The following RPTOR variants were observed in gnomAD, a reference collection of about 807,000 sequenced individuals.
RPTOR encodes the protein regulatory-associated protein of mTOR.
RPTOR carries 21 observed loss-of-function variants against 169.9 expected under a neutral mutation model. That is an observed-to-expected ratio of 0.12 (90% CI 0.09 to 0.18). The LOEUF (loss-of-function observed/expected upper bound fraction) is 0.18, where lower values mean the gene tolerates loss of function less well. Among genes scored for constraint, RPTOR ranks in the 10% least tolerant of loss-of-function variants. The pLI is 1.00. For missense variants in RPTOR, 1,133 were observed against 1,855.9 expected (o/e 0.61, Z 7.16); for synonymous variants, 732 against 753.2 (o/e 0.97, Z 0.46).
chr17:80,958,207 C>CT (rs2069281222), intron 29 of RPTOR, among the ~76,000 whole-genome samples: 2 of 86,498 alleles, frequency 2.3e-5, no homozygotes, highest in African/African-American at 9.7e-5. Context: ...ACCCCCCCCC[C>CT]CCACCACCAA....
chr17:80,688,453 C>T (rs111914716), intron 3 of RPTOR, among the ~76,000 whole-genome samples: 105 of 152,308 alleles, frequency 6.9e-4, no homozygotes, highest in African/African-American at 2.0e-3. Context: ...GTAAATGGTT[C>T]AGTATTGTCA....
At chr17:80,809,084 C>T (rs1271734637) in intron 7 of RPTOR, among the ~76,000 whole-genome samples, 1 of 152,260 alleles carries the variant, frequency 6.6e-6, no homozygotes, top group African/African-American at 2.4e-5. Context: ...AAGAAATTGT[C>T]CAACTGTTTT....
At position 80,754,582 on chromosome 17, in the gene RPTOR, A is replaced by T. The variant is rs963759224; in HGVS notation, c.830+397A>T. The stretch of plus-strand genomic sequence containing the variant: ...GCTTGAGTTGAAGCGTAATCTTTCA[A>T]TGTATTTTTAGCAATGAAAAAAGAG... On this transcript the variant is annotated intron_variant, in intron 6 of 33. Transcript: ENST00000306801. The surrounding 1 kb of genome is among the most constrained non-coding windows in gnomAD (Gnocchi z 4.2). Among the ~76,000 whole-genome samples the T allele has an allele frequency of 6.6e-6, 1 of 152,164 alleles. No individual in the cohort carries two copies. The highest frequency in any genetic ancestry group is 6.5e-5 in the Admixed American group (1 of 15,276).
intron 20 of RPTOR, among the ~76,000 whole-genome samples, chr17:80,900,826 G>A (rs528307415): frequency 4.2e-4 from 64 of 152,368 alleles, no homozygotes; most frequent in Admixed American, 7.2e-4. Flanking sequence ...GTGCAGAACC[G>A]CACCTTTTGT....
intron 6 of RPTOR, among the ~76,000 whole-genome samples, chr17:80,782,571 G>T (rs538085559): frequency 5.3e-5 from 8 of 152,218 alleles, no homozygotes; most frequent in African/African-American, 1.9e-4. Flanking sequence ...CTTGATCCTG[G>T]AACACCTTGG....
chr17:80,901,293 C>T (rs917153357), intron 20 of RPTOR, among the ~76,000 whole-genome samples: 4 of 152,140 alleles, frequency 2.6e-5, no homozygotes, highest in African/African-American at 7.2e-5. Context: ...CATGAGTTTT[C>T]TCCTCTGCCG....
At chr17:80,638,413 T>TTC (rs1176397801) in intron 2 of RPTOR, among the ~76,000 whole-genome samples, 1 of 132,136 alleles carries the variant, frequency 7.6e-6, no homozygotes, top group African/African-American at 2.6e-5. Flanking sequence ...CTTCCTTTCT[T>TTC]TTTTTTTTTT....
At chr17:80,749,627 G>A (rs1291543385) in intron 5 of RPTOR, among the ~76,000 whole-genome samples, 2 of 152,028 alleles carry the variant, frequency 1.3e-5, no homozygotes, top group African/African-American at 2.4e-5. Flanking sequence ...TGGCGGGAGA[G>A]CCTGCTGCTC....
intron 1 of RPTOR, among the ~76,000 whole-genome samples, chr17:80,599,662 C>T (rs867246468): frequency 2.6e-5 from 4 of 152,210 alleles, no homozygotes; most frequent in Non-Finnish European, 5.9e-5. Flanking sequence ...TGAGAAGGCA[C>T]TGCAGACGGT....
intron 24 of RPTOR, among the ~76,000 whole-genome samples, chr17:80,932,570 G>C (rs2068910844): frequency 6.6e-6 from 1 of 152,126 alleles, no homozygotes; most frequent in African/African-American, 2.4e-5. Flanking sequence ...CACTAAGAAA[G>C]AGTCAAGTGA....
intron 10 of RPTOR, among the ~76,000 whole-genome samples, chr17:80,840,466 C>T (rs1359485730): frequency 6.8e-6 from 1 of 146,068 alleles, no homozygotes; most frequent in Admixed American, 6.9e-5. Context: ...TGCACCGCAG[C>T]TCACGCTCAC....
intron 6 of RPTOR, among the ~76,000 whole-genome samples, chr17:80,757,139 C>T (rs148041276): frequency 1.2e-3 from 188 of 152,158 alleles, no homozygotes; most frequent in African/African-American, 4.3e-3. Context: ...GAAATAGAGG[C>T]CCCAGTATGC....
chr17:80,707,712 A>G lies in RPTOR; in HGVS notation c.349-129A>G. ...TGGCATTACCTGGTTTTATAGATGG[A>G]GAAACTCAGAGCCATGTGTCCAGGA... On this transcript the variant is annotated intron_variant, in intron 3 of 33. Coordinates refer to ENST00000306801, the MANE Select transcript of RPTOR (RefSeq NM_020761.3). The surrounding 1 kb of genome is among the most constrained non-coding windows in gnomAD (Gnocchi z 5.0). 1 of 835,924 alleles carries G rather than the reference A, an allele frequency of 1.2e-6. No homozygotes were observed. Among genetic ancestry groups the G allele is most frequent in the Non-Finnish European group, 1.8e-6 (1 of 570,102 alleles). The allele number at this position is 835,924 out of a possible 1,614,324, so 51.8% of individuals were successfully genotyped here.
chr17:80,692,279 G>A (rs573226130), intron 3 of RPTOR, among the ~76,000 whole-genome samples: 6 of 8,140 alleles, frequency 7.4e-4, no homozygotes, highest in African/African-American at 1.4e-3. Flanking sequence ...GTCTGGCTAC[G>A]TTATGTTATG....
intron 13 of RPTOR, among the ~76,000 whole-genome samples, chr17:80,866,190 TATA>T (rs1404579739): frequency 6.7e-6 from 1 of 149,146 alleles, no homozygotes; most frequent in Non-Finnish European, 1.5e-5. Flanking sequence ...TAATATATAA[TATA>T]ATGTACATAT....
Position 80,966,195 on chromosome 17 carries a change from A to C in RPTOR, c.*1865A>C, listed in dbSNP as rs1340919010. On this transcript the variant is annotated 3_prime_UTR_variant, in exon 34 of 34. Coordinates refer to ENST00000306801, the MANE Select transcript of RPTOR (RefSeq NM_020761.3). Reference sequence around the variant, plus strand: ...CCGCCTGCACGTGGGCTGTCTTCACAGGTCTGATGTGAAAATTCAATCACG... The same window carrying C: ...CCGCCTGCACGTGGGCTGTCTTCACCGGTCTGATGTGAAAATTCAATCACG... The C allele has an allele frequency of 9.8e-6, 2 of 204,316 alleles. No homozygotes were observed. Among genetic ancestry groups the C allele is most frequent in the African/African-American group, 4.8e-5 (2 of 41,596 alleles). The allele number at this position is 204,316 out of a possible 1,614,324, so 12.7% of individuals were successfully genotyped here.
At chr17:80,836,139 C>T (rs887699353) in intron 9 of RPTOR, among the ~76,000 whole-genome samples, 1 of 152,208 alleles carries the variant, frequency 6.6e-6, no homozygotes, top group African/African-American at 2.4e-5. Flanking sequence ...GCTCCCTGGT[C>T]AGGCCCTCAT....
At chr17:80,785,489 G>A (rs1027015007) in intron 6 of RPTOR, among the ~76,000 whole-genome samples, 11 of 152,146 alleles carry the variant, frequency 7.2e-5, no homozygotes, top group Admixed American at 5.9e-4. Context: ...AAGGTTCTTC[G>A]GCACTAGTGA....
intron 1 of RPTOR, among the ~76,000 whole-genome samples, chr17:80,606,203 G>A (rs780322537): frequency 4.6e-5 from 7 of 151,960 alleles, no homozygotes; most frequent in Non-Finnish European, 1.0e-4. Flanking sequence ...GTAGAGACGG[G>A]GTTTCACCAT....
Sources: gnomAD v4.1 joint callset for allele counts (sites outside exome capture counted in the v4.1 genomes callset) on GRCh38, gnomAD v4.1.1 for gene constraint, Gnocchi (gnomAD v3.1) non-coding constraint, MANE v1.5 for transcripts, NCBI Gene and HGNC (gene_info 2026-07-23, HGNC 2026-07-21) for gene names.